The following DHRS4L2 variants were observed in gnomAD, a reference collection of about 807,000 sequenced individuals.
DHRS4L2 encodes dehydrogenase/reductase 4 like 2, also known as dehydrogenase/reductase SDR family member 4-like 2.
In DHRS4L2, 22 loss-of-function variants were observed where a neutral mutation model predicts 23.9. The observed-to-expected ratio is 0.92, with a 90% CI of 0.66 to 1.31. The LOEUF is 1.31. DHRS4L2 is among the 40% of genes most tolerant of loss of function. DHRS4L2 has a pLI of 0.00. For missense variants in DHRS4L2, 385 were observed against 303.3 expected (o/e 1.27, Z -2.00); for synonymous variants, 141 against 123.7 (o/e 1.14, Z -0.93).
intron 1 of DHRS4L2, among the ~76,000 whole-genome samples, chr14:23,981,850 A>G (rs1774451922): frequency 6.6e-6 from 1 of 151,680 alleles, no homozygotes; most frequent in Non-Finnish European, 1.5e-5. Flanking sequence ...CCACCCAAAC[A>G]TCTCAGTGGA....
At chr14:23,971,067 T>G (rs2033847357) in intron 1 of DHRS4L2, among the ~76,000 whole-genome samples, 1 of 151,990 alleles carries the variant, frequency 6.6e-6, no homozygotes, top group Admixed American at 6.6e-5. Flanking sequence ...ATGCTGAAAC[T>G]TCCAGAAACC....
At chr14:23,993,491 A>G (rs1313547779) in intron 2 of DHRS4L2, among the ~76,000 whole-genome samples, 1 of 151,558 alleles carries the variant, frequency 6.6e-6, no homozygotes, top group East Asian at 1.9e-4. Flanking sequence ...CACAAAGTTG[A>G]CCAAGGGCCC....
At chr14:23,976,650 C>T (rs773096413) in intron 1 of DHRS4L2, among the ~76,000 whole-genome samples, 15 of 151,922 alleles carry the variant, frequency 9.9e-5, no homozygotes, top group Admixed American at 2.0e-4. Flanking sequence ...AAGACACATA[C>T]ACACATATGT....
At chr14:23,984,603 T>G (rs1393402944), upstream of DHRS4L2, among the ~76,000 whole-genome samples, 4 of 151,390 alleles carry the variant, frequency 2.6e-5, no homozygotes, top group African/African-American at 9.7e-5. Flanking sequence ...GAAACCATCC[T>G]GGCCAACATG....
At position 23,988,939 on chromosome 14, in the gene DHRS4L2, G is replaced by A. The variant is rs373740586; in HGVS notation, c.-9G>A. ...GAAGGAGTGGAACCCAGACTTGCTG[G>A]TCTGATCCATGCAGATGGCCAGGCT... On this transcript the variant is annotated 5_prime_UTR_variant, in exon 1 of 8. Transcript: ENST00000335125. 3.7e-6 allele frequency: 6 copies of A among 1,611,646 alleles called. No homozygotes were observed. The Admixed American group carries it at 6.7e-5, about 18-fold the overall frequency.
intron 1 of DHRS4L2, among the ~76,000 whole-genome samples, chr14:23,971,398 T>C: frequency 6.6e-6 from 1 of 151,992 alleles, no homozygotes; most frequent in South Asian, 2.1e-4. Context: ...GAAGAAAGGA[T>C]ATCAGTGATT....
chr14:24,006,166 T>C lies in DHRS4L2; in HGVS notation c.*303T>C, dbSNP rs369542947. The C allele has an allele frequency of 6.0e-6, 8 of 1,334,934 alleles. No homozygotes were observed. The South Asian group carries it at 6.4e-5, about 11-fold the overall frequency. 82.7% of individuals were successfully genotyped at this position (1,334,934 alleles called of 1,614,324 possible). On this transcript the variant is annotated 3_prime_UTR_variant, in exon 8 of 8. Transcript: ENST00000335125. ...CTTCCCTGCCGTCAAGGTGGCGTCT[T>C]ACTCGGGATTCCTGCTGTTGTTGTG...
At chr14:24,000,986 G>T in intron 4 of DHRS4L2, 47 bp from the exon 5 acceptor site, 1 of 1,611,378 alleles carries the variant, frequency 6.2e-7, no homozygotes. Context: ...ACAGGCTGAG[G>T]GCAGTGGTCC....
At chr14:23,993,015 T>C (rs1215745384) in intron 2 of DHRS4L2, among the ~76,000 whole-genome samples, 1 of 147,600 alleles carries the variant, frequency 6.8e-6, no homozygotes, top group Admixed American at 6.8e-5. Context: ...CTCTGTTCAA[T>C]CAAAACCCAG....
At chr14:23,972,894 A>C (rs1226450332) in intron 1 of DHRS4L2, among the ~76,000 whole-genome samples, 1 of 152,016 alleles carries the variant, frequency 6.6e-6, no homozygotes, top group Non-Finnish European at 1.5e-5. Context: ...CTGGACGTGC[A>C]CGTAAGCCAG....
rs188865634 is a variant in DHRS4L2, at chr14:23,993,195, C to T, written c.307-1837C>T. On this transcript the variant is annotated intron_variant, in intron 2 of 7. Transcript: ENST00000335125. ...ACTTATTAACTTACTCTGCACCTCC[C>T]TAGTAACAAGTCCATTGGTGAGACT... Among the ~76,000 whole-genome samples the T allele has an allele frequency of 6.7e-4, 101 of 151,774 alleles. 2 individuals carry two copies. The highest frequency in any genetic ancestry group is 5.4e-3 in the South Asian group (26 of 4,784).
chr14:23,999,870 T>G (rs2034453553), intron 3 of DHRS4L2, among the ~76,000 whole-genome samples: 1 of 116,772 alleles, frequency 8.6e-6, no homozygotes, highest in Non-Finnish European at 1.7e-5. Context: ...AATTTTTGTA[T>G]TTTTAGTACA....
At chr14:23,997,715 G>C (rs2034409179) in intron 3 of DHRS4L2, among the ~76,000 whole-genome samples, 1 of 150,284 alleles carries the variant, frequency 6.7e-6, no homozygotes, top group South Asian at 2.1e-4. Flanking sequence ...TCCGCTTCTA[G>C]TTCTCTTGCT....
chr14:23,990,956 C>A, intron 2 of DHRS4L2: 1 of 852,510 alleles, frequency 1.2e-6, no homozygotes. Flanking sequence ...CTACCAGGTA[C>A]TGGACTTCAG....
At chr14:23,971,905 A>G (rs934000977) in intron 1 of DHRS4L2, among the ~76,000 whole-genome samples, 25 of 152,074 alleles carry the variant, frequency 1.6e-4, no homozygotes, top group African/African-American at 6.0e-4. Context: ...CATTGATGCT[A>G]TGAAGAAACT....
At chr14:23,980,931 C>T (rs1211838292) in intron 1 of DHRS4L2, among the ~76,000 whole-genome samples, 1 of 151,616 alleles carries the variant, frequency 6.6e-6, no homozygotes, top group Non-Finnish European at 1.5e-5. Flanking sequence ...TCCTATTCAA[C>T]ATACTATTGG....
chr14:23,996,894 C>G (rs575820403), intron 3 of DHRS4L2, among the ~76,000 whole-genome samples: 1 of 152,090 alleles, frequency 6.6e-6, no homozygotes, highest in Non-Finnish European at 1.5e-5. Context: ...CTCAGCCCCC[C>G]AAAATATTGG....
chr14:23,986,576 A>T (rs1224635897), upstream of DHRS4L2, among the ~76,000 whole-genome samples: 1 of 151,274 alleles, frequency 6.6e-6, no homozygotes, highest in Non-Finnish European at 1.5e-5. Flanking sequence ...CCCTGCCCAC[A>T]CAAGGAAGGG....
chr14:23,983,869 C>A (rs2034094745), upstream of DHRS4L2, among the ~76,000 whole-genome samples: 1 of 151,212 alleles, frequency 6.6e-6, no homozygotes, highest in South Asian at 2.1e-4. Flanking sequence ...CATCACACAC[C>A]AGGGCCTGTT....
Sources: gnomAD v4.1 joint callset for allele counts (sites outside exome capture counted in the v4.1 genomes callset) on GRCh38, gnomAD v4.1.1 for gene constraint, MANE v1.5 for transcripts, NCBI Gene and HGNC (gene_info 2026-07-23, HGNC 2026-07-21) for gene names.